ZNF100: variants seen among roughly 807,000 people sequenced by gnomAD.
ZNF100 encodes zinc finger protein 100, also known as zinc finger protein 100 (Y1).
Under a neutral mutation model 15.8 loss-of-function variants are expected in ZNF100, and 12 were observed. The ratio of observed to expected loss-of-function variants is 0.76; its 90% CI spans 0.49 to 1.23. The LOEUF (loss-of-function observed/expected upper bound fraction) is 1.23. ZNF100 is among the 50% of genes most tolerant of loss of function. The pLI, the probability that ZNF100 is intolerant of heterozygous loss-of-function variation, is 0.00. For missense variants in ZNF100, 670 were observed against 635.6 expected (o/e 1.05, Z -0.58); for synonymous variants, 226 against 214.8 (o/e 1.05, Z -0.45).
chr19:21,733,643 A>T (rs1446814755), intron 4 of ZNF100, among the ~76,000 whole-genome samples: 1 of 152,294 alleles, frequency 6.6e-6, no homozygotes, highest in Non-Finnish European at 1.5e-5. Flanking sequence ...TGGCTGAGGA[A>T]TCTGGGCAGT....
intron 4 of ZNF100, among the ~76,000 whole-genome samples, chr19:21,742,094 A>C (rs1473785557): frequency 1.3e-5 from 2 of 152,106 alleles, no homozygotes; most frequent in Non-Finnish European, 1.5e-5. Flanking sequence ...TCAGGAATTC[A>C]AGACTAACCT....
rs2035764422 is a variant in ZNF100 at position 21,725,592 on chromosome 19, C to A, written c.*1091G>T. The stretch of plus-strand genomic sequence containing the variant: ...CATATCTGATGCAGCAACAATTGAT[C>A]ACATGCTTTCACATGTAAATAGGAG... On this transcript the variant is annotated 3_prime_UTR_variant, in exon 5 of 5. Coordinates refer to ENST00000358296, the MANE Select transcript of ZNF100 (RefSeq NM_173531.4). 1 of 151,970 alleles carries A rather than the reference C, an allele frequency of 6.6e-6. No individual in the cohort carries two copies. The highest frequency in any genetic ancestry group is 1.5e-5 in the Non-Finnish European group (1 of 67,944). 9.4% of individuals were successfully genotyped at this position (151,970 alleles called of 1,614,324 possible). A position where few individuals can be genotyped will look rare whatever the true frequency, so the allele number is the denominator to read the frequency against.
chr19:21,755,438 T>C (rs189459718), intron 2 of ZNF100, among the ~76,000 whole-genome samples: 8 of 152,054 alleles, frequency 5.3e-5, no homozygotes, highest in Non-Finnish European at 1.0e-4. Context: ...AAGAAACAGA[T>C]GCCGGTGAGG....
chr19:21,745,339 C>T (rs1429251644), intron 2 of ZNF100, among the ~76,000 whole-genome samples: 1 of 152,030 alleles, frequency 6.6e-6, no homozygotes, highest in Non-Finnish European at 1.5e-5. Flanking sequence ...CAAACATATA[C>T]ATTTTTGAGT....
At chr19:21,748,729 A>G (rs1351405028) in intron 2 of ZNF100, among the ~76,000 whole-genome samples, 1 of 152,152 alleles carries the variant, frequency 6.6e-6, no homozygotes, top group Admixed American at 6.5e-5. Flanking sequence ...TTTGAGATGG[A>G]GTTTCATTCT....
rs544889931 is a variant in ZNF100, at chr19:21,726,978, G to T, written c.1334C>A (p.Thr445Asn). 6.2e-7 allele frequency: 1 copy of T among 1,612,764 alleles called. No homozygotes were observed. The highest frequency in any genetic ancestry group is 1.7e-5 in the Admixed American group (1 of 59,878). ...TCCAGTATGAATCATCTTATGGGTA[G>T]TAAGGTTTGAGGACTCATTAAAAGC... ...GKAFNESSNLTTHKMIHTGEK... is the reference protein window; with the variant it reads ...GKAFNESSNLNTHKMIHTGEK... The change falls in exon 5 of 5, where the codon ACT becomes AAT. Residue 445 changes from threonine (T) to asparagine (N), a missense_variant. Transcript: ENST00000358296.
chr19:21,758,731 G>A (rs1173932401), intron 2 of ZNF100, among the ~76,000 whole-genome samples: 2 of 152,196 alleles, frequency 1.3e-5, no homozygotes, highest in Admixed American at 6.5e-5. Context: ...GTGTGGACAC[G>A]TCAATGTCTA....
chr19:21,748,578 T>C (rs749743847), intron 2 of ZNF100, among the ~76,000 whole-genome samples: 102 of 152,376 alleles, frequency 6.7e-4, no homozygotes, highest in Non-Finnish European at 1.3e-3. Flanking sequence ...CATTAGAAGA[T>C]AAGTATGTAT....
intron 2 of ZNF100, among the ~76,000 whole-genome samples, chr19:21,761,370 G>A (rs556529792): frequency 6.6e-6 from 1 of 152,260 alleles, no homozygotes; most frequent in African/African-American, 2.4e-5. Flanking sequence ...TTTTACAACA[G>A]GACACAATTA....
rs2036588221 is a variant in ZNF100 at position 21,767,576 on chromosome 19, A to C, written c.-147T>G. The stretch of plus-strand genomic sequence containing the variant: ...GAGCTCCGGCTACAGCGAGAGACAA[A>C]GACCCCGCCAAACCCGGAAGCCGTC... On this transcript the variant is annotated 5_prime_UTR_variant, in exon 1 of 5. Coordinates refer to ENST00000358296, the MANE Select transcript of ZNF100 (RefSeq NM_173531.4). The C allele has an allele frequency of 1.5e-6, 2 of 1,314,178 alleles. No individual in the cohort carries two copies. The highest frequency in any genetic ancestry group is 2.4e-5 in the East Asian group (1 of 41,178). The allele number at this position is 1,314,178 out of a possible 1,614,324, so 81.4% of individuals were successfully genotyped here.
intron 4 of ZNF100, 143 bp from the exon 5 acceptor site, chr19:21,728,132 A>T: frequency 1.9e-5 from 6 of 320,486 alleles, no homozygotes; most frequent in Non-Finnish European, 1.3e-5. Flanking sequence ...ATATAAATGT[A>T]AAAAAAAAAA....
intron 2 of ZNF100, among the ~76,000 whole-genome samples, chr19:21,758,001 T>C (rs1241179932): frequency 6.6e-6 from 1 of 151,980 alleles, no homozygotes; most frequent in Non-Finnish European, 1.5e-5. Flanking sequence ...TGTACTGCAC[T>C]TCAGCCTGTG....
At chr19:21,730,202 C>T (rs1218659568) in intron 4 of ZNF100, among the ~76,000 whole-genome samples, 1 of 151,552 alleles carries the variant, frequency 6.6e-6, no homozygotes, top group Non-Finnish European at 1.5e-5. Flanking sequence ...AAACTGAGAT[C>T]CAACTTGCCT....
chr19:21,765,336 C>T (rs2036541023), intron 2 of ZNF100, among the ~76,000 whole-genome samples: 1 of 152,124 alleles, frequency 6.6e-6, no homozygotes, highest in African/African-American at 2.4e-5. Context: ...GATTCTTCCA[C>T]CCACTCCTGC....
intron 4 of ZNF100, among the ~76,000 whole-genome samples, chr19:21,735,161 G>C (rs1446821659): frequency 6.6e-6 from 1 of 152,078 alleles, no homozygotes; most frequent in Admixed American, 6.6e-5. Flanking sequence ...AAAATAACCA[G>C]CTAGCACCAT....
At chr19:21,750,925 C>A (rs1187726407) in intron 2 of ZNF100, 2 of 674,754 alleles carry the variant, frequency 3.0e-6, no homozygotes, top group South Asian at 1.9e-5. Context: ...CAGAGCTGTA[C>A]TGCGCAACCG....
intron 2 of ZNF100, chr19:21,750,428 G>A (rs1465816278): frequency 6.6e-6 from 1 of 152,228 alleles, no homozygotes; most frequent in Non-Finnish European, 1.5e-5. Context: ...TCCCTGAGGA[G>A]CACTGATGTG....
intron 4 of ZNF100, among the ~76,000 whole-genome samples, chr19:21,732,086 A>C (rs1473687552): frequency 6.6e-6 from 1 of 151,964 alleles, no homozygotes. Context: ...CAAAAGAATC[A>C]CTTGAACCCA....
intron 2 of ZNF100, among the ~76,000 whole-genome samples, chr19:21,762,609 A>G (rs568158523): frequency 1.3e-5 from 2 of 152,330 alleles, no homozygotes; most frequent in East Asian, 3.9e-4. Context: ...CTAATAGGCA[A>G]GAATATCATC....
Sources: allele counts gnomAD v4.1 joint callset (sites outside exome capture counted in the v4.1 genomes callset), GRCh38; gene constraint gnomAD v4.1.1; transcripts MANE v1.5; gene names NCBI Gene and HGNC (gene_info 2026-07-23, HGNC 2026-07-21).